HSPBAP1: variants seen among roughly 807,000 people sequenced by gnomAD.
HSPBAP1 encodes HSPB1-associated protein 1.
A neutral mutation model predicts 45.2 loss-of-function variants in HSPBAP1; 27 were observed. The ratio of observed to expected loss-of-function variants is 0.60; its 90% CI spans 0.44 to 0.82. The LOEUF is 0.82. Among genes scored for constraint, HSPBAP1 ranks in the 40% least tolerant of loss-of-function variants. The probability of loss-of-function intolerance (pLI) is 0.00; values close to 1 mark genes in which losing one functional copy is unlikely to be tolerated. For missense variants in HSPBAP1, 510 were observed against 590.9 expected, an observed-to-expected ratio of 0.86 and a Z score of 1.42; for synonymous variants, 204 against 202.7, an observed-to-expected ratio of 1.01 and a Z score of -0.06.
chr3:122,775,560 C>T (rs946714660), intron 2 of HSPBAP1, among the ~76,000 whole-genome samples: 15 of 152,158 alleles, frequency 9.9e-5, no homozygotes, highest in African/African-American at 3.6e-4. Context: ...GTGATCCACC[C>T]GCCTTGGCCT....
Position 122,785,369 on chromosome 3 carries a change from C to A in HSPBAP1, c.65-7463G>T, listed in dbSNP as rs145016628. ...TGTAAAACCCAGTTTTAGGAAAGAA[C>A]CTTGCTAAGTCAGTTTAGCAAGAAT... On this transcript the variant is annotated intron_variant, in intron 1 of 7. Transcript: ENST00000306103. Among the ~76,000 whole-genome samples the A allele has an allele frequency of 1.6e-4, 24 of 152,260 alleles. No homozygotes were observed. The East Asian group carries it at 4.4e-3, about 28-fold the overall frequency.
At chr3:122,780,738 G>A (rs1425660802) in intron 1 of HSPBAP1, among the ~76,000 whole-genome samples, 3 of 151,612 alleles carry the variant, frequency 2.0e-5, no homozygotes, top group African/African-American at 7.3e-5. Flanking sequence ...GCCGGGCGGA[G>A]GGGCTCCTCA....
chr3:122,774,113 C>T (rs75216377), intron 2 of HSPBAP1, among the ~76,000 whole-genome samples: 8,248 of 152,266 alleles, frequency 0.054, 290 homozygotes, highest in Middle Eastern at 0.11. Context: ...GGTGCTCAGC[C>T]CATGATGAGA....
intron 1 of HSPBAP1, among the ~76,000 whole-genome samples, chr3:122,791,008 T>G (rs1468326142): frequency 1.3e-5 from 2 of 152,200 alleles, no homozygotes; most frequent in Non-Finnish European, 2.9e-5. Context: ...GGCTGGCACT[T>G]TCTATTAATA....
At chr3:122,752,561 A>T (rs747158575) in intron 6 of HSPBAP1, 30 bp downstream of exon 6, 46 of 49,278 alleles carry the variant, frequency 9.3e-4, no homozygotes, top group Non-Finnish European at 8.2e-4. Flanking sequence ...GCACTTACTT[A>T]AAAAAAAAAA....
intron 2 of HSPBAP1, among the ~76,000 whole-genome samples, chr3:122,771,974 TA>T (rs75422815): frequency 0.17 from 25,880 of 152,122 alleles, 3,145 homozygotes; most frequent in East Asian, 0.53. Flanking sequence ...CTACCTAGGC[TA>T]ATAAGTAGGT....
In HSPBAP1 at chr3:122,740,189, A is replaced by G; in HGVS notation, c.*156T>C. The G allele has an allele frequency of 2.2e-6, 1 of 457,768 alleles. No homozygotes were observed. The highest frequency in any genetic ancestry group is 3.7e-6 in the Non-Finnish European group (1 of 272,994). The allele number at this position is 457,768 out of a possible 1,614,324, so 28.4% of individuals were successfully genotyped here. A position where few individuals can be genotyped will look rare whatever the true frequency, so the allele number is the denominator to read the frequency against. ...GTTTGGCCAAAGAGGAATGTGCATG[A>G]AAGAAGGTGGCAACAGACTGACATG... On this transcript the variant is annotated 3_prime_UTR_variant, in exon 8 of 8. Coordinates refer to ENST00000306103, the MANE Select transcript of HSPBAP1 (RefSeq NM_024610.6).
intron 1 of HSPBAP1, among the ~76,000 whole-genome samples, chr3:122,790,894 C>A (rs1355033997): frequency 6.6e-6 from 1 of 152,282 alleles, no homozygotes; most frequent in South Asian, 2.1e-4. Context: ...TTGTACTGAA[C>A]ATACTGACCC....
intron 1 of HSPBAP1, among the ~76,000 whole-genome samples, chr3:122,785,237 C>A (rs1011707810): frequency 2.0e-5 from 3 of 152,206 alleles, no homozygotes; most frequent in African/African-American, 7.2e-5. Flanking sequence ...TGTATGTGCA[C>A]GTGCACTCAT....
intron 1 of HSPBAP1, among the ~76,000 whole-genome samples, chr3:122,791,071 G>C (rs1413928233): frequency 1.3e-5 from 2 of 151,958 alleles, no homozygotes; most frequent in Non-Finnish European, 2.9e-5. Flanking sequence ...TACTATGCTA[G>C]ATAATCTACA....
chr3:122,763,577 C>G (rs1369798091), intron 3 of HSPBAP1, among the ~76,000 whole-genome samples: 1 of 151,980 alleles, frequency 6.6e-6, no homozygotes, highest in East Asian at 1.9e-4. Context: ...GTGAAATAAG[C>G]AAGTATCATC....
At chr3:122,785,475 C>CGAA (rs1935623431) in intron 1 of HSPBAP1, among the ~76,000 whole-genome samples, 1 of 152,194 alleles carries the variant, frequency 6.6e-6, no homozygotes, top group Non-Finnish European at 1.5e-5. Flanking sequence ...GGCCTGCCTT[C>CGAA]AGCAAGAATC....
intron 5 of HSPBAP1, chr3:122,753,287 G>A (rs968991668): frequency 7.0e-6 from 2 of 284,960 alleles, no homozygotes; most frequent in Non-Finnish European, 1.1e-5. Flanking sequence ...GTACAGGTGA[G>A]GGAGGTAGGA....
At position 122,752,857 on chromosome 3, in the gene HSPBAP1, T is replaced by A. The variant is rs967458284; in HGVS notation, c.742-183A>T. 5.9e-6 allele frequency: 8 copies of A among 1,366,752 alleles called. No individual in the cohort carries two copies. In the African/African-American group the frequency reaches 1.2e-4, roughly 20 times the overall value. 84.7% of individuals were successfully genotyped at this position (1,366,752 alleles called of 1,614,324 possible). On this transcript the variant is annotated intron_variant, in intron 5 of 7. Transcript: ENST00000306103. ...ACCTTTTTTCCTTTTATTCCTTTTTTATTGACAAGTTCACATGTTCTACAA... is the reference window on the plus strand; with the variant it reads ...ACCTTTTTTCCTTTTATTCCTTTTTAATTGACAAGTTCACATGTTCTACAA...
chr3:122,775,550 G>A (rs1935164490), intron 2 of HSPBAP1, among the ~76,000 whole-genome samples: 3 of 151,890 alleles, frequency 2.0e-5, no homozygotes, highest in South Asian at 2.1e-4. Flanking sequence ...TCCTGACCTC[G>A]TGATCCACCC....
chr3:122,763,623 A>T (rs143652846), intron 3 of HSPBAP1, among the ~76,000 whole-genome samples: 1 of 152,160 alleles, frequency 6.6e-6, no homozygotes, highest in African/African-American at 2.4e-5. Context: ...GATCTCAAAG[A>T]TCCTCTGAAA....
intron 5 of HSPBAP1, chr3:122,753,031 C>A: frequency 1.0e-6 from 1 of 984,722 alleles, no homozygotes; most frequent in Non-Finnish European, 1.2e-6. Flanking sequence ...AGGTAAAACA[C>A]ATAGGACGTG....
intron 1 of HSPBAP1, among the ~76,000 whole-genome samples, chr3:122,778,630 C>T (rs941708861): frequency 1.3e-5 from 2 of 151,404 alleles, no homozygotes; most frequent in Non-Finnish European, 2.9e-5. Flanking sequence ...CCCAGGTTCA[C>T]GCCGTTCTCC....
At chr3:122,780,434 C>G in intron 1 of HSPBAP1, among the ~76,000 whole-genome samples, 1 of 127,322 alleles carries the variant, frequency 7.9e-6, no homozygotes, top group Middle Eastern at 4.4e-3. Context: ...AGAGGGGCTC[C>G]TCACTTCCCA....
Sources: allele counts gnomAD v4.1 joint callset (sites outside exome capture counted in the v4.1 genomes callset), GRCh38; gene constraint gnomAD v4.1.1; transcripts MANE v1.5; gene names NCBI Gene and HGNC (gene_info 2026-07-23, HGNC 2026-07-21).